XRN2: variants seen among roughly 807,000 people sequenced by gnomAD.
XRN2 encodes 5'-3' exoribonuclease 2.
XRN2 carries 44 observed loss-of-function variants against 138.5 expected under a neutral mutation model. That is an observed-to-expected ratio of 0.32 (90% CI 0.25 to 0.41). XRN2 has a LOEUF of 0.41. XRN2 is among the 10% of genes least tolerant of loss of function. XRN2 has a pLI of 1.00. For missense variants in XRN2, 937 were observed against 1,169.3 expected, an observed-to-expected ratio of 0.80 and a Z score of 2.90; for synonymous variants, 354 against 369.4, an observed-to-expected ratio of 0.96 and a Z score of 0.48.
chr20:21,347,593 C>T (rs2038453000), intron 17 of XRN2, among the ~76,000 whole-genome samples: 1 of 152,204 alleles, frequency 6.6e-6, no homozygotes, highest in Non-Finnish European at 1.5e-5. Flanking sequence ...TATCTCTTTC[C>T]TATGAGTATA....
intron 1 of XRN2, among the ~76,000 whole-genome samples, chr20:21,314,429 G>A (rs529473706): frequency 1.3e-5 from 2 of 152,070 alleles, no homozygotes; most frequent in South Asian, 2.1e-4. Context: ...ATATGTTTTC[G>A]TTTTTCTTGG....
At chr20:21,327,003 A>G (rs2038137512) in intron 3 of XRN2, among the ~76,000 whole-genome samples, 1 of 152,180 alleles carries the variant, frequency 6.6e-6, no homozygotes, top group Admixed American at 6.5e-5. Flanking sequence ...CCATTTCTTT[A>G]ACAATGAAGA....
chr20:21,368,344 T>C lies in XRN2; in HGVS notation c.2457-119T>C, dbSNP rs57793155. The C allele has an allele frequency of 6.8e-3, 8,675 of 1,271,626 alleles. 475 individuals are homozygous for C. In the African/African-American group the frequency reaches 0.12, roughly 17 times the overall value. The allele number at this position is 1,271,626 out of a possible 1,614,324, so 78.8% of individuals were successfully genotyped here. ...ATAAACCACCTTTTTGTTTGTATTA[T>C]CTTAATCAGATCTGTTAGTGAAGAC... is the stretch of plus-strand genomic sequence containing the variant. On this transcript the variant is annotated intron_variant, in intron 26 of 29. Transcript: ENST00000377191.
At chr20:21,317,997 G>C (rs1331836848) in intron 1 of XRN2, among the ~76,000 whole-genome samples, 1 of 152,168 alleles carries the variant, frequency 6.6e-6, no homozygotes, top group Admixed American at 6.5e-5. Context: ...TGAAGAATTC[G>C]TACAAATTCT....
At chr20:21,349,742 C>T (rs1407529816) in intron 20 of XRN2, among the ~76,000 whole-genome samples, 2 of 151,806 alleles carry the variant, frequency 1.3e-5, no homozygotes, top group Non-Finnish European at 2.9e-5. Context: ...GGCCCTGTCT[C>T]ATAAATAAAT....
At position 21,389,308 on chromosome 20, in the gene XRN2, A is replaced by T. The variant is rs1277339259; in HGVS notation, c.2823A>T (p.Pro941=). 6.2e-7 allele frequency: 1 copy of T among 1,613,326 alleles called. No individual in the cohort carries two copies. Among genetic ancestry groups the T allele is most frequent in the Admixed American group, 1.7e-5 (1 of 59,950 alleles). The change falls in exon 30 of 30, where the codon CCA becomes CCT. Residue 941 remains proline (P), a synonymous_variant. Transcript: ENST00000377191. ...GAGAAGGAAGGAAATACCCTTTGCC[A>T]CCACCCTCAGGAAGATACAATTGGA... The part of the protein sequence containing the change: ...YPREGRKYPL[P]PPSGRYNWN
intron 28 of XRN2, among the ~76,000 whole-genome samples, chr20:21,384,894 G>A (rs1030223814): frequency 2.6e-5 from 4 of 152,058 alleles, no homozygotes; most frequent in Non-Finnish European, 5.9e-5. Flanking sequence ...GTAAGTATTT[G>A]CAAAATATAT....
chr20:21,351,419 C>T (rs1240932918), intron 20 of XRN2, among the ~76,000 whole-genome samples: 1 of 152,038 alleles, frequency 6.6e-6, no homozygotes. Flanking sequence ...CTGTTCAAAT[C>T]CTTTGCTCAA....
intron 28 of XRN2, among the ~76,000 whole-genome samples, chr20:21,383,499 G>A (rs2038907602): frequency 6.6e-6 from 1 of 152,134 alleles, no homozygotes; most frequent in Admixed American, 6.5e-5. Flanking sequence ...AGAAAGTGAG[G>A]CACAGAGAAG....
At chr20:21,364,037 T>C (rs1345605979) in intron 24 of XRN2, among the ~76,000 whole-genome samples, 1 of 152,154 alleles carries the variant, frequency 6.6e-6, no homozygotes, top group Non-Finnish European at 1.5e-5. Flanking sequence ...GTTCACACCA[T>C]TCTCCTGCCT....
At chr20:21,356,367 T>C (rs2038576088) in intron 22 of XRN2, among the ~76,000 whole-genome samples, 190 bp downstream of exon 22, 1 of 152,206 alleles carries the variant, frequency 6.6e-6, no homozygotes, top group African/African-American at 2.4e-5. Context: ...TTTCTGTACC[T>C]TTTAAATAAT....
chr20:21,379,616 A>G (rs868861266), intron 27 of XRN2, among the ~76,000 whole-genome samples: 2 of 152,222 alleles, frequency 1.3e-5, no homozygotes, highest in African/African-American at 2.4e-5. Context: ...AAAATGGAAA[A>G]TAGAGAGGCA....
At chr20:21,368,228 A>G (rs2122317635) in intron 26 of XRN2, among the ~76,000 whole-genome samples, 1 of 152,368 alleles carries the variant, frequency 6.6e-6, no homozygotes, top group South Asian at 2.1e-4. Context: ...TGTAAGTTGT[A>G]AATATTTAAA....
At chr20:21,323,685 C>T (rs542742300) in intron 1 of XRN2, among the ~76,000 whole-genome samples, 51 of 152,272 alleles carry the variant, frequency 3.3e-4, no homozygotes, top group African/African-American at 1.1e-3. Context: ...TAGGACCCAC[C>T]TACTCCGTAC....
intron 4 of XRN2, among the ~76,000 whole-genome samples, chr20:21,329,930 T>C (rs927563287): frequency 4.6e-5 from 7 of 151,956 alleles, no homozygotes; most frequent in African/African-American, 1.7e-4. Flanking sequence ...CTTCATAATT[T>C]TTATGTAACA....
intron 27 of XRN2, among the ~76,000 whole-genome samples, chr20:21,378,601 C>G (rs974439810): frequency 6.6e-6 from 1 of 152,100 alleles, no homozygotes; most frequent in Non-Finnish European, 1.5e-5. Flanking sequence ...TAAAATAGTA[C>G]GTTGTACATA....
rs200969031 is a variant in XRN2, at chr20:21,339,085, G to T, written c.1275G>T (p.Met425Ile). The change falls in exon 14 of 30, where the codon ATG (methionine) becomes ATT (isoleucine). Residue 425 changes from methionine (M) to isoleucine (I), a missense_variant. By Grantham distance (10) the Met-to-Ile change is conservative (BLOSUM62 1). Transcript: ENST00000377191. ...GACAGAAAGAAAAAAGAAAGAGAAT[G>T]AAGGTGAGTTTTAATTAATTTCATG... ...RRRQKEKRKR[M>I]KRDQPAFTPS... The T allele has an allele frequency of 2.9e-5, 47 of 1,605,538 alleles. No individual in the cohort carries two copies. In the Admixed American group the frequency reaches 4.2e-4, roughly 14 times the overall value.
intron 6 of XRN2, 33 bp downstream of exon 6, chr20:21,330,738 T>C (rs2038196570): frequency 6.3e-7 from 1 of 1,574,914 alleles, no homozygotes; most frequent in Non-Finnish European, 8.7e-7. Context: ...TCAGAAAGAT[T>C]AGGGTGATCA....
intron 1 of XRN2, among the ~76,000 whole-genome samples, chr20:21,320,264 C>CATTTATTT (rs1172643793): frequency 3.8e-5 from 3 of 78,976 alleles, no homozygotes; most frequent in Admixed American, 1.4e-4. Context: ...CTATTGGCAT[C>CATTTATTT]ATTTATTTAT....
Sources: allele counts gnomAD v4.1 joint callset (sites outside exome capture counted in the v4.1 genomes callset), GRCh38; gene constraint gnomAD v4.1.1; transcripts MANE v1.5; gene names NCBI Gene and HGNC (gene_info 2026-07-23, HGNC 2026-07-21).